Variants in EPHB1 observed in about 807,000 individuals in gnomAD.
EPHB1 encodes EPH receptor B1, also known as ephrin type-B receptor 1.
EPHB1 carries 30 observed loss-of-function variants against 94.4 expected under a neutral mutation model. The observed-to-expected ratio is 0.32, with a 90% CI of 0.24 to 0.43. EPHB1 has a LOEUF of 0.43. EPHB1 is among the 20% of genes least tolerant of loss of function. EPHB1 has a pLI of 1.00. For synonymous variants in EPHB1, 522 were observed against 489.1 expected, an observed-to-expected ratio of 1.07 and a Z score of -0.89; for missense variants, 1,055 against 1,308.3, an observed-to-expected ratio of 0.81 and a Z score of 2.99.
chr3:134,974,991 C>T (rs1934128772), intron 3 of EPHB1, among the ~76,000 whole-genome samples: 1 of 143,072 alleles, frequency 7.0e-6, no homozygotes, highest in Non-Finnish European at 1.6e-5. Flanking sequence ...TTCCTCCCCT[C>T]TCTCCATCTC....
At chr3:135,116,571 T>G (rs940883531) in intron 4 of EPHB1, among the ~76,000 whole-genome samples, 1 of 152,200 alleles carries the variant, frequency 6.6e-6, no homozygotes, top group African/African-American at 2.4e-5. Flanking sequence ...TGGTCACTTT[T>G]CAGAGTCACC....
intron 12 of EPHB1, among the ~76,000 whole-genome samples, chr3:135,224,058 CA>C (rs1463442131): frequency 6.6e-6 from 1 of 152,164 alleles, no homozygotes; most frequent in Non-Finnish European, 1.5e-5. Flanking sequence ...TAGATATGTT[CA>C]GATACACAAA....
At chr3:134,950,341 T>C (rs1230640413) in intron 2 of EPHB1, among the ~76,000 whole-genome samples, 1 of 152,234 alleles carries the variant, frequency 6.6e-6, no homozygotes, top group Non-Finnish European at 1.5e-5. Context: ...TTGCACACAA[T>C]AGAGCTTCAT....
intron 2 of EPHB1, among the ~76,000 whole-genome samples, chr3:134,945,835 G>A (rs1335716960): frequency 1.3e-5 from 2 of 152,222 alleles, no homozygotes; most frequent in African/African-American, 4.8e-5. Context: ...AGAACACATT[G>A]CCAGAACTAG....
intron 1 of EPHB1, among the ~76,000 whole-genome samples, chr3:134,924,871 A>T (rs1239107818): frequency 6.6e-6 from 1 of 152,254 alleles, no homozygotes; most frequent in East Asian, 1.9e-4. Context: ...CTACAGTGAC[A>T]GAAAGCAGAT....
At chr3:135,233,838 G>T (rs548510352) in intron 12 of EPHB1, among the ~76,000 whole-genome samples, 1 of 152,292 alleles carries the variant, frequency 6.6e-6, no homozygotes, top group Admixed American at 6.5e-5. Flanking sequence ...GCCAAGGCTT[G>T]GGACTTGCAC....
chr3:134,844,209 C>G (rs193279118), intron 1 of EPHB1, among the ~76,000 whole-genome samples: 8 of 152,136 alleles, frequency 5.3e-5, no homozygotes, highest in Admixed American at 1.3e-4. Context: ...TGTGGGTTAA[C>G]GGTCTGCCAA....
chr3:134,807,367 C>T (rs545032334), intron 1 of EPHB1, among the ~76,000 whole-genome samples: 16 of 152,224 alleles, frequency 1.1e-4, no homozygotes, highest in African/African-American at 3.1e-4. Context: ...GACAGAGCCA[C>T]GCAGACTACA....
At chr3:134,954,478 A>T (rs1434785414) in intron 3 of EPHB1, among the ~76,000 whole-genome samples, 1 of 152,180 alleles carries the variant, frequency 6.6e-6, no homozygotes, top group African/African-American at 2.4e-5. Flanking sequence ...TAGCACAATC[A>T]TCATGAGGGC....
At chr3:134,980,432 G>A (rs1251857889) in intron 3 of EPHB1, among the ~76,000 whole-genome samples, 2 of 151,696 alleles carry the variant, frequency 1.3e-5, no homozygotes, top group African/African-American at 4.9e-5. Context: ...AGCCCAGCCA[G>A]ATTCAAGAGG....
At chr3:135,183,082 TTCTC>T (rs1220524203) in intron 10 of EPHB1, among the ~76,000 whole-genome samples, 2 of 143,344 alleles carry the variant, frequency 1.4e-5, no homozygotes, top group African/African-American at 2.6e-5. Flanking sequence ...TTCTTTCTCT[TTCTC>T]TCTCTCTCTT....
chr3:135,076,261 A>ATATATATATATATATATATATATATATG (rs1553729687), intron 3 of EPHB1, among the ~76,000 whole-genome samples: 19 of 112,566 alleles, frequency 1.7e-4, no homozygotes, highest in East Asian at 4.5e-4. Flanking sequence ...ATATATATAT[A>ATATATATATATATATATATATATATATG]ACTCTTAAAT....
At chr3:134,886,057 G>A (rs2037855975) in intron 1 of EPHB1, among the ~76,000 whole-genome samples, 2 of 152,186 alleles carry the variant, frequency 1.3e-5, no homozygotes, top group Admixed American at 6.5e-5. Flanking sequence ...GGGGGAAGGT[G>A]GTGACTCAGC....
At chr3:134,862,151 G>T (rs2037277012) in intron 1 of EPHB1, among the ~76,000 whole-genome samples, 1 of 152,198 alleles carries the variant, frequency 6.6e-6, no homozygotes, top group African/African-American at 2.4e-5. Context: ...GGATGGAGAG[G>T]CCCATGGGCA....
At chr3:135,097,713 A>T (rs1938856726) in intron 3 of EPHB1, among the ~76,000 whole-genome samples, 1 of 152,226 alleles carries the variant, frequency 6.6e-6, no homozygotes, top group Non-Finnish European at 1.5e-5. Context: ...CAAGTGTATG[A>T]CACAGCTAAG....
intron 12 of EPHB1, among the ~76,000 whole-genome samples, chr3:135,219,972 T>G (rs1559879894): frequency 6.6e-6 from 1 of 152,222 alleles, no homozygotes; most frequent in Non-Finnish European, 1.5e-5. Context: ...GGCAAAATGT[T>G]TATCCAGGTA....
intron 3 of EPHB1, among the ~76,000 whole-genome samples, chr3:134,956,326 T>C (rs932864167): frequency 3.9e-5 from 6 of 152,134 alleles, no homozygotes; most frequent in African/African-American, 1.4e-4. Flanking sequence ...AGGGCTTGGC[T>C]TTCCCTCCCA....
chr3:135,105,813 T>A (rs1487918784), intron 3 of EPHB1, among the ~76,000 whole-genome samples: 2 of 152,170 alleles, frequency 1.3e-5, no homozygotes, highest in Non-Finnish European at 2.9e-5. Context: ...CGGAAGCATA[T>A]CAAAATGCAA....
At chr3:134,849,767 C>T (rs149519860) in intron 1 of EPHB1, among the ~76,000 whole-genome samples, 23 of 152,314 alleles carry the variant, frequency 1.5e-4, no homozygotes, top group African/African-American at 3.8e-4. Context: ...TTGAGATGCA[C>T]TCTAGGCTGG....
Sources: gnomAD v4.1 joint callset for allele counts (sites outside exome capture counted in the v4.1 genomes callset) on GRCh38, gnomAD v4.1.1 for gene constraint, MANE v1.5 for transcripts, NCBI Gene and HGNC (gene_info 2026-07-23, HGNC 2026-07-21) for gene names.